Variants in FBXO9 observed in about 807,000 individuals in gnomAD.
FBXO9 encodes F-box only protein 9.
A neutral mutation model predicts 63.7 loss-of-function variants in FBXO9; 43 were observed. That is an observed-to-expected ratio of 0.67 (90% CI 0.53 to 0.87). The LOEUF is 0.87. Ranked by LOEUF, FBXO9 falls within the 40% of genes least tolerant of loss-of-function variation. FBXO9 has a pLI of 0.00. For synonymous variants in FBXO9, 156 were observed against 171.7 expected, an observed-to-expected ratio of 0.91 and a Z score of 0.72; for missense variants, 442 against 533.2, an observed-to-expected ratio of 0.83 and a Z score of 1.68.
intron 1 of FBXO9, among the ~76,000 whole-genome samples, chr6:53,068,384 A>T (rs1562061530): frequency 6.6e-6 from 1 of 152,198 alleles, no homozygotes; most frequent in Non-Finnish European, 1.5e-5. Context: ...AAGTCATCTG[A>T]TTGAAACCTT....
chr6:53,079,342 TA>T (rs1488031208), intron 5 of FBXO9, among the ~76,000 whole-genome samples: 1 of 152,170 alleles, frequency 6.6e-6, no homozygotes, highest in Non-Finnish European at 1.5e-5. Context: ...TTTTACATTT[TA>T]AAAAAGGCTT....
chr6:53,089,354 C>A lies in FBXO9; in HGVS notation c.654-3075C>A, dbSNP rs1762983984. On this transcript the variant is annotated intron_variant, in intron 7 of 12. Coordinates refer to ENST00000323557, the MANE Select transcript of FBXO9 (RefSeq NM_033480.3). ...CCTCCCAAAGTGCTGGGATTACAGACGTGAGCCACCGTGCCCGGCCAGCCC... is the reference window on the plus strand; with the variant it reads ...CCTCCCAAAGTGCTGGGATTACAGAAGTGAGCCACCGTGCCCGGCCAGCCC... 2.6e-5 allele frequency among the ~76,000 whole-genome samples: 4 copies of A among 152,246 alleles called. No homozygotes were observed. The South Asian group carries it at 8.3e-4, about 32-fold the overall frequency.
Position 53,093,548 on chromosome 6 carries a change from A to T in FBXO9, c.946A>T (p.Thr316Ser). The change falls in exon 10 of 13, where the codon ACT becomes TCT. Residue 316 changes from threonine to serine, a missense_variant. Coordinates refer to ENST00000323557, the MANE Select transcript of FBXO9 (RefSeq NM_033480.3). ...TCAGTCCATTGTTCCACGTTTAAGA[A>T]CTAGGAATACCAGGTAGCATTTGTT... ...EPQSIVPRLR[T>S]RNTRTDAILL... The T allele has an allele frequency of 4.3e-6, 7 of 1,612,682 alleles. No individual in the cohort carries two copies. Among genetic ancestry groups the T allele is most frequent in the Non-Finnish European group, 5.9e-6 (7 of 1,178,964 alleles).
At chr6:53,091,649 G>C (rs1763043139) in intron 7 of FBXO9, 2 of 152,388 alleles carry the variant, frequency 1.3e-5, no homozygotes, top group Admixed American at 6.5e-5. Context: ...TTACAGGCGT[G>C]AGCCACCATG....
chr6:53,073,239 T>G (rs530125367), intron 2 of FBXO9, among the ~76,000 whole-genome samples: 1 of 152,324 alleles, frequency 6.6e-6, no homozygotes, highest in East Asian at 1.9e-4. Flanking sequence ...TCCAATATAA[T>G]TTGACTTTTG....
At position 53,092,807 on chromosome 6, in the gene FBXO9, C is replaced by T. The variant is rs758224576; in HGVS notation, c.846C>T (p.His282=). The change falls in exon 9 of 13, where the codon CAC becomes CAT. Residue 282 remains histidine (H), a synonymous_variant. Transcript: ENST00000323557. ...TTGATGGTTTCTATAGAGCCTGGCA[C>T]CAAGTGGAATATTACAGGTACAACT... ...QSLDGFYRAW[H]QVEYYRYIRF... 3 of 1,610,522 alleles carry T rather than the reference C, an allele frequency of 1.9e-6. No individual in the cohort carries two copies. Among genetic ancestry groups the T allele is most frequent in the Non-Finnish European group, 2.5e-6 (3 of 1,177,752 alleles).
rs886305654 is a variant in FBXO9, at chr6:53,099,885, A to G, written c.*2055A>G. The G allele has an allele frequency of 6.6e-6, 1 of 152,250 alleles. No individual in the cohort carries two copies. The highest frequency in any genetic ancestry group is 1.5e-5 in the Non-Finnish European group (1 of 68,044). 9.4% of individuals were successfully genotyped at this position (152,250 alleles called of 1,614,324 possible). ...TGTTATTTCTGATATACAAATAAAT[A>G]GAACATGATTAGGACATAGTCAAAT... On this transcript the variant is annotated 3_prime_UTR_variant, in exon 13 of 13. Coordinates refer to ENST00000323557, the MANE Select transcript of FBXO9 (RefSeq NM_033480.3).
At chr6:53,089,277 A>C (rs1297232685) in intron 7 of FBXO9, among the ~76,000 whole-genome samples, 1 of 151,760 alleles carries the variant, frequency 6.6e-6, no homozygotes, top group Non-Finnish European at 1.5e-5. Context: ...GGGTTTCACC[A>C]TGTTAGCCAG....
intron 11 of FBXO9, 31 bp downstream of exon 11, chr6:53,094,009 C>G (rs999367180): frequency 5.7e-6 from 8 of 1,413,514 alleles, no homozygotes; most frequent in Admixed American, 2.2e-5. Flanking sequence ...TAATAGTTTT[C>G]TTATCTTAAT....
intron 4 of FBXO9, among the ~76,000 whole-genome samples, chr6:53,078,057 A>T (rs1483816091): frequency 6.6e-6 from 1 of 152,232 alleles, no homozygotes; most frequent in Non-Finnish European, 1.5e-5. Context: ...AAAGAAGTTA[A>T]ATTTAAAGGA....
chr6:53,081,866 C>A (rs896220032), intron 6 of FBXO9, among the ~76,000 whole-genome samples: 8 of 152,016 alleles, frequency 5.3e-5, no homozygotes, highest in African/African-American at 1.9e-4. Flanking sequence ...GCCAGGAGTT[C>A]AAGATAAGCC....
At chr6:53,097,130 A>G (rs1032931642) in intron 12 of FBXO9, among the ~76,000 whole-genome samples, 4 of 152,124 alleles carry the variant, frequency 2.6e-5, no homozygotes, top group Non-Finnish European at 4.4e-5. Flanking sequence ...GTGGTAGCAT[A>G]ACTTACCACC....
intron 4 of FBXO9, among the ~76,000 whole-genome samples, chr6:53,077,260 G>A (rs1769145465): frequency 1.3e-5 from 2 of 151,914 alleles, no homozygotes; most frequent in Admixed American, 1.3e-4. Flanking sequence ...GGATCACGAG[G>A]TCAGGAGATC....
Position 53,065,544 on chromosome 6 carries a change from G to A in FBXO9, c.-246G>A, listed in dbSNP as rs1768661358. Reference sequence around the variant, plus strand: ...CAACGGGCGTCCCTCCACTCCCCGAGTCCCCGGCAGCCGCCGCCACCCCAG... The same window carrying A: ...CAACGGGCGTCCCTCCACTCCCCGAATCCCCGGCAGCCGCCGCCACCCCAG... On this transcript the variant is annotated 5_prime_UTR_variant, in exon 1 of 13. Transcript: ENST00000323557. 2.5e-6 allele frequency: 1 copy of A among 406,184 alleles called. No individual in the cohort carries two copies. Among genetic ancestry groups the A allele is most frequent in the Admixed American group, 4.5e-5 (1 of 22,438 alleles). 25.2% of individuals were successfully genotyped at this position (406,184 alleles called of 1,614,324 possible).
intron 1 of FBXO9, among the ~76,000 whole-genome samples, chr6:53,066,535 CA>C (rs1383483311): frequency 6.6e-6 from 1 of 152,212 alleles, no homozygotes; most frequent in Non-Finnish European, 1.5e-5. Flanking sequence ...CTTAAAGAAT[CA>C]GGGATGCAAT....
chr6:53,097,267 A>G (rs909484041), intron 12 of FBXO9, among the ~76,000 whole-genome samples: 2 of 152,196 alleles, frequency 1.3e-5, no homozygotes, highest in Non-Finnish European at 2.9e-5. Flanking sequence ...ATAGCTTCTG[A>G]CTTAAAAATT....
chr6:53,068,656 T>TG (rs1300107870), intron 1 of FBXO9, among the ~76,000 whole-genome samples: 3 of 78,726 alleles, frequency 3.8e-5, no homozygotes, highest in Admixed American at 1.3e-4. Context: ...ATATATGTGT[T>TG]TTTTTTTTTT....
chr6:53,094,028 C>A, intron 11 of FBXO9, 50 bp downstream of exon 11: 1 of 1,186,110 alleles, frequency 8.4e-7, no homozygotes, highest in Non-Finnish European at 1.2e-6. Flanking sequence ...ATAGCCTATT[C>A]ATCCAAGCAG....
intron 2 of FBXO9, 128 bp from the exon 3 acceptor site, chr6:53,073,353 C>A: frequency 1.9e-6 from 1 of 532,436 alleles, no homozygotes; most frequent in Non-Finnish European, 3.1e-6. Flanking sequence ...ATTCAGAAGA[C>A]AGTGATTTCT....
Sources: allele counts gnomAD v4.1 joint callset (sites outside exome capture counted in the v4.1 genomes callset), GRCh38; gene constraint gnomAD v4.1.1; transcripts MANE v1.5; gene names NCBI Gene and HGNC (gene_info 2026-07-23, HGNC 2026-07-21).